MPG: variants seen among roughly 807,000 people sequenced by gnomAD.
MPG encodes the protein N-methylpurine DNA glycosylase.
In MPG, 33 loss-of-function variants were observed where a neutral mutation model predicts 31.7. The ratio of observed to expected loss-of-function variants is 1.04; its 90% CI spans 0.79 to 1.39. The LOEUF (loss-of-function observed/expected upper bound fraction) is 1.39, where lower values mean the gene tolerates loss of function less well. MPG is among the 40% of genes most tolerant of loss of function. The probability of loss-of-function intolerance (pLI) is 0.00; values close to 1 mark genes in which losing one functional copy is unlikely to be tolerated. For missense variants in MPG, 455 were observed against 415.5 expected (o/e 1.10, Z -0.83); for synonymous variants, 202 against 169.2 (o/e 1.19, Z -1.51).
intron 2 of MPG, among the ~76,000 whole-genome samples, chr16:82,779 G>A (rs753410994): frequency 5.9e-5 from 9 of 152,164 alleles, no homozygotes; most frequent in East Asian, 3.9e-4. Context: ...CATGACTGCC[G>A]GTTCCCAGCC....
intron 3 of MPG, chr16:83,567 T>A: frequency 3.8e-6 from 1 of 263,692 alleles, no homozygotes; most frequent in Non-Finnish European, 7.3e-6. Flanking sequence ...ACGGTGAAAC[T>A]CTGTCTCTAC....
chr16:79,894 A>G (rs918262147), intron 2 of MPG, 194 bp downstream of exon 2: 3 of 681,896 alleles, frequency 4.4e-6, no homozygotes, highest in South Asian at 3.9e-5. Context: ...GAATGTAGAG[A>G]TTGTCAGTGC....
At chr16:79,121 C>T in intron 1 of MPG, 1 of 1,479,742 alleles carries the variant, frequency 6.8e-7, no homozygotes, top group South Asian at 1.4e-5. Context: ...CAGGCTCAGG[C>T]CCCCATCTGC....
At chr16:82,809 G>A (rs1898286678) in intron 2 of MPG, among the ~76,000 whole-genome samples, 1 of 152,212 alleles carries the variant, frequency 6.6e-6, no homozygotes, top group Non-Finnish European at 1.5e-5. Context: ...TGTGGCCTGA[G>A]GTATCTTCGG....
rs946600819 is a variant in MPG, at chr16:78,250, G to A, written c.-60G>A. ...GGTCCTAGGGGTGCTTCCGTGGTCG[G>A]CGGCTGCTGGGCTCCGCGCCGGGGT... On this transcript the variant is annotated 5_prime_UTR_variant, in exon 1 of 4. Coordinates refer to ENST00000356432, the MANE Select transcript of MPG (RefSeq NM_001015052.3). 75 of 1,364,150 alleles carry A rather than the reference G, an allele frequency of 5.5e-5. No individual in the cohort carries two copies. The highest frequency in any genetic ancestry group is 5.4e-4 in the Middle Eastern group (2 of 3,680). 84.5% of individuals were successfully genotyped at this position (1,364,150 alleles called of 1,614,324 possible).
At chr16:79,383 G>A (rs1007933031) in intron 1 of MPG, 42 bp from the exon 2 acceptor site, 3 of 1,613,898 alleles carry the variant, frequency 1.9e-6, no homozygotes, top group African/African-American at 1.3e-5. Context: ...CCACACAGCT[G>A]TCTCCTATTC....
chr16:83,003 A>G, intron 2 of MPG, 49 bp from the exon 3 acceptor site: 1 of 1,488,002 alleles, frequency 6.7e-7, no homozygotes, highest in Non-Finnish European at 9.1e-7. Flanking sequence ...TGTTAGGGTG[A>G]GTGGACCCCC....
rs988686993 is a variant in MPG at position 82,242 on chromosome 16, T to C, written c.301-810T>C. The stretch of plus-strand genomic sequence containing the variant: ...CCACCCTATCTCCGGGAAGCCCTCC[T>C]GAATGCTCCCCCGGCGAGCATCTAA... On this transcript the variant is annotated intron_variant, in intron 2 of 3. Coordinates refer to ENST00000356432, the MANE Select transcript of MPG (RefSeq NM_001015052.3). Among the ~76,000 whole-genome samples the C allele has an allele frequency of 7.9e-5, 12 of 151,082 alleles. 1 individual carries two copies. The highest frequency in any genetic ancestry group is 4.2e-4 in the South Asian group (2 of 4,752).
chr16:85,284 T>A, intron 3 of MPG, 117 bp from the exon 4 acceptor site: 1 of 1,281,766 alleles, frequency 7.8e-7, no homozygotes. Context: ...AGCAGGTCCC[T>A]GGCCCAGGCA....
rs3176426 is a variant in MPG at position 84,076 on chromosome 16, C to T, written c.505+820C>T. On this transcript the variant is annotated intron_variant, in intron 3 of 3. Transcript: ENST00000356432. Reference sequence around the variant, plus strand: ...GGGCACGGGGCTGTGGTGATGAGGGCGGCCAGGCTTTGACTCATTTGCAGG... The same window carrying T: ...GGGCACGGGGCTGTGGTGATGAGGGTGGCCAGGCTTTGACTCATTTGCAGG... 3.3e-3 allele frequency among the ~76,000 whole-genome samples: 497 copies of T among 152,170 alleles called. 1 individual carries two copies. Among genetic ancestry groups the T allele is most frequent in the Non-Finnish European group, 5.2e-3 (354 of 67,988 alleles).
chr16:80,628 G>C (rs1375332041), intron 2 of MPG, among the ~76,000 whole-genome samples: 1 of 152,112 alleles, frequency 6.6e-6, no homozygotes, highest in African/African-American at 2.4e-5. Context: ...GACCAACATG[G>C]TGAAACCCCA....
At chr16:83,829 C>T (rs538697251) in intron 3 of MPG, among the ~76,000 whole-genome samples, 3 of 151,738 alleles carry the variant, frequency 2.0e-5, no homozygotes, top group South Asian at 2.1e-4. Context: ...CTGCCCTTGA[C>T]GGAGGCAGCA....
intron 1 of MPG, 91 bp from the exon 2 acceptor site, chr16:79,334 G>A: frequency 1.2e-6 from 2 of 1,613,212 alleles, no homozygotes; most frequent in Non-Finnish European, 1.7e-6. Context: ...CAAAGCAGGT[G>A]GTCAGATCCA....
At chr16:80,290 G>A (rs1047968428) in intron 2 of MPG, among the ~76,000 whole-genome samples, 2 of 152,180 alleles carry the variant, frequency 1.3e-5, no homozygotes, top group Non-Finnish European at 2.9e-5. Context: ...GGTCCTCGAT[G>A]CCAAAGCCCC....
intron 3 of MPG, among the ~76,000 whole-genome samples, chr16:84,751 GCCT>G: frequency 6.6e-6 from 1 of 152,228 alleles, no homozygotes; most frequent in East Asian, 1.9e-4. Context: ...GGCTTTGTCA[GCCT>G]CCTCCTGCCC....
chr16:78,004 A>G (rs1235221259), upstream of MPG: 1 of 234,230 alleles, frequency 4.3e-6, no homozygotes, highest in Non-Finnish European at 8.3e-6. Flanking sequence ...GCGCCGGGGC[A>G]CAGTGCGGGG....
chr16:85,538 A>C lies in MPG; in HGVS notation c.643A>C (p.Lys215Gln), dbSNP rs777276807. 6.2e-7 allele frequency: 1 copy of C among 1,613,382 alleles called. No homozygotes were observed. The highest frequency in any genetic ancestry group is 8.5e-7 in the Non-Finnish European group (1 of 1,180,022). ...CCGCGAGCTCTGCAGTGGCCCCTCC[A>C]AGCTGTGCCAGGCCCTGGCCATCAA... ...KDRELCSGPS[K>Q]LCQALAINKS... Residue 215 changes from lysine to glutamine, a missense_variant, in exon 4 of 4, where the codon AAG (lysine) becomes CAG (glutamine). Lys to Gln is a moderately conservative substitution (Grantham distance 53). Transcript: ENST00000356432.
intron 3 of MPG, among the ~76,000 whole-genome samples, chr16:83,945 T>C (rs540626157): frequency 1.3e-5 from 2 of 151,638 alleles, no homozygotes; most frequent in South Asian, 4.2e-4. Flanking sequence ...GGACTTAGGG[T>C]CGGCGGAGGA....
chr16:77,526 T>G (rs1898119740), upstream of MPG, among the ~76,000 whole-genome samples: 1 of 152,204 alleles, frequency 6.6e-6, no homozygotes, highest in Non-Finnish European at 1.5e-5. Context: ...TGGTCTGGCC[T>G]CGGCCTCTAG....
Sources: allele counts gnomAD v4.1 joint callset (sites outside exome capture counted in the v4.1 genomes callset), GRCh38; gene constraint gnomAD v4.1.1; transcripts MANE v1.5; gene names NCBI Gene and HGNC (gene_info 2026-07-23, HGNC 2026-07-21).